The following SNTG1 variants were observed in gnomAD, a reference collection of about 807,000 sequenced individuals.
SNTG1 encodes the protein gamma-1-syntrophin.
In SNTG1, 39 loss-of-function variants were observed where a neutral mutation model predicts 74.7. The ratio of observed to expected loss-of-function variants is 0.52; its 90% CI spans 0.40 to 0.68. The LOEUF (loss-of-function observed/expected upper bound fraction) is 0.68, where lower values mean the gene tolerates loss of function less well. SNTG1 is among the 30% of genes least tolerant of loss of function. SNTG1 has a pLI of 0.00. For missense variants in SNTG1, 685 were observed against 609.5 expected (o/e 1.12, Z -1.30); for synonymous variants, 254 against 217.1 (o/e 1.17, Z -1.49).
At chr8:50,212,986 A>C (rs2084595612) in intron 2 of SNTG1, among the ~76,000 whole-genome samples, 1 of 152,178 alleles carries the variant, frequency 6.6e-6, no homozygotes, top group South Asian at 2.1e-4. Flanking sequence ...TGCCTCTCCC[A>C]ATAAACTCCA....
At chr8:50,689,709 C>T (rs1252285132) in intron 15 of SNTG1, among the ~76,000 whole-genome samples, 8 of 152,242 alleles carry the variant, frequency 5.3e-5, no homozygotes, top group African/African-American at 1.9e-4. Context: ...CTAAAATTCT[C>T]TTTTTTCGTT....
chr8:50,233,179 T>C (rs2085716923), intron 2 of SNTG1, among the ~76,000 whole-genome samples: 1 of 151,626 alleles, frequency 6.6e-6, no homozygotes, highest in African/African-American at 2.4e-5. Context: ...TACACAGTTA[T>C]CAAACTGTGT....
chr8:50,287,561 C>T (rs1305095029), intron 2 of SNTG1, among the ~76,000 whole-genome samples: 1 of 152,194 alleles, frequency 6.6e-6, no homozygotes, highest in African/African-American at 2.4e-5. Flanking sequence ...ATGCCCAAAT[C>T]CTTTAGCAGT....
intron 1 of SNTG1, among the ~76,000 whole-genome samples, chr8:49,991,174 T>C (rs1333959145): frequency 6.6e-6 from 1 of 152,042 alleles, no homozygotes; most frequent in Non-Finnish European, 1.5e-5. Context: ...AAATCAACAA[T>C]AAACACATGA....
intron 1 of SNTG1, among the ~76,000 whole-genome samples, chr8:49,937,245 A>G (rs1263307677): frequency 2.6e-5 from 4 of 152,174 alleles, no homozygotes; most frequent in East Asian, 1.9e-4. Flanking sequence ...TATGATTCCA[A>G]TTACATAAAA....
At chr8:50,349,129 A>C (rs2091569213) in intron 2 of SNTG1, among the ~76,000 whole-genome samples, 1 of 152,236 alleles carries the variant, frequency 6.6e-6, no homozygotes, top group South Asian at 2.1e-4. Flanking sequence ...ATCTTACTAT[A>C]TGATGAATAC....
intron 1 of SNTG1, among the ~76,000 whole-genome samples, chr8:50,019,117 G>T (rs1053660403): frequency 3.3e-5 from 5 of 151,890 alleles, no homozygotes; most frequent in African/African-American, 1.2e-4. Context: ...GAATTATTTT[G>T]TAATTGATGA....
intron 15 of SNTG1, among the ~76,000 whole-genome samples, chr8:50,676,470 A>G (rs2095310098): frequency 6.6e-6 from 1 of 152,114 alleles, no homozygotes; most frequent in East Asian, 1.9e-4. Context: ...ACGCAGCACC[A>G]TCAGTTCATT....
chr8:50,496,518 G>C (rs144251582), intron 8 of SNTG1, among the ~76,000 whole-genome samples: 23 of 152,206 alleles, frequency 1.5e-4, no homozygotes, highest in African/African-American at 5.5e-4. Context: ...TCTCATAGAC[G>C]TTAGAATGGC....
At chr8:50,413,861 A>G (rs1259184341) in intron 4 of SNTG1, among the ~76,000 whole-genome samples, 1 of 152,104 alleles carries the variant, frequency 6.6e-6, no homozygotes, top group African/African-American at 2.4e-5. Flanking sequence ...TAAACTATTT[A>G]TTGAATTTCT....
At chr8:50,639,540 C>T (rs930170741) in intron 13 of SNTG1, among the ~76,000 whole-genome samples, 10 of 151,682 alleles carry the variant, frequency 6.6e-5, no homozygotes, top group African/African-American at 2.4e-4. Flanking sequence ...TATATATTTG[C>T]CTAAAGTACT....
chr8:50,328,815 C>G (rs1382520719), intron 2 of SNTG1, among the ~76,000 whole-genome samples: 1 of 152,206 alleles, frequency 6.6e-6, no homozygotes, highest in Admixed American at 6.5e-5. Flanking sequence ...ACCTTCCCAA[C>G]AGTCCCAAAA....
chr8:50,367,397 C>A (rs985346025), intron 2 of SNTG1, among the ~76,000 whole-genome samples: 1 of 151,940 alleles, frequency 6.6e-6, no homozygotes, highest in African/African-American at 2.4e-5. Context: ...TTATTTAATT[C>A]TATGTTAGAA....
At chr8:50,276,001 G>A (rs1238068597) in intron 2 of SNTG1, among the ~76,000 whole-genome samples, 1 of 152,110 alleles carries the variant, frequency 6.6e-6, no homozygotes, top group African/African-American at 2.4e-5. Flanking sequence ...TGTTTATTTG[G>A]TAACCAATGT....
chr8:50,714,581 T>C (rs1219377982), intron 17 of SNTG1, among the ~76,000 whole-genome samples: 3 of 152,158 alleles, frequency 2.0e-5, no homozygotes, highest in Admixed American at 6.5e-5. Flanking sequence ...TTTGCCACTC[T>C]ATCACATTCC....
chr8:50,420,550 G>A (rs997016767), intron 4 of SNTG1, among the ~76,000 whole-genome samples: 16 of 151,974 alleles, frequency 1.1e-4, no homozygotes, highest in Admixed American at 1.0e-3. Flanking sequence ...GGTTAAAGAA[G>A]GAATCCTGAA....
intron 17 of SNTG1, among the ~76,000 whole-genome samples, chr8:50,748,761 T>G (rs1016554254): frequency 1.3e-5 from 2 of 152,044 alleles, no homozygotes; most frequent in African/African-American, 4.8e-5. Context: ...CATGTTATTA[T>G]TGTAATTATT....
At chr8:50,497,392 G>T (rs929288896) in intron 8 of SNTG1, among the ~76,000 whole-genome samples, 1 of 151,324 alleles carries the variant, frequency 6.6e-6, no homozygotes, top group Non-Finnish European at 1.5e-5. Flanking sequence ...ATTATCTATT[G>T]TACACTTAAT....
At chr8:50,216,858 G>A (rs2084813159) in intron 2 of SNTG1, among the ~76,000 whole-genome samples, 1 of 152,004 alleles carries the variant, frequency 6.6e-6, no homozygotes, top group Non-Finnish European at 1.5e-5. Flanking sequence ...CAGAATGCAT[G>A]CCAGAATAGC....
Sources: gnomAD v4.1 joint callset for allele counts (sites outside exome capture counted in the v4.1 genomes callset) on GRCh38, gnomAD v4.1.1 for gene constraint, MANE v1.5 for transcripts, NCBI Gene and HGNC (gene_info 2026-07-23, HGNC 2026-07-21) for gene names.